TJP1: variants seen among roughly 807,000 people sequenced by gnomAD.
TJP1 encodes the protein tight junction protein 1, also known as tight junction protein ZO-1.
Under a neutral mutation model 194.2 loss-of-function variants are expected in TJP1, and 43 were observed. That is an observed-to-expected ratio of 0.22 (90% confidence interval 0.17 to 0.29). The LOEUF is 0.29. Among genes scored for constraint, TJP1 ranks in the 10% least tolerant of loss-of-function variants. The probability of loss-of-function intolerance (pLI) is 1.00; values close to 1 mark genes in which losing one functional copy is unlikely to be tolerated. For missense variants in TJP1, 1,971 were observed against 2,185.7 expected (o/e 0.90, Z 1.96); for synonymous variants, 801 against 779.0 (o/e 1.03, Z -0.47).
chr15:29,919,960 C>A (rs954621249), intron 2 of TJP1, among the ~76,000 whole-genome samples: 2 of 152,166 alleles, frequency 1.3e-5, no homozygotes, highest in Non-Finnish European at 2.9e-5. Flanking sequence ...AGAAAGGATG[C>A]AAGTGGTTGA....
chr15:29,779,509 G>A (rs1462811766), intron 2 of TJP1, among the ~76,000 whole-genome samples: 1 of 151,996 alleles, frequency 6.6e-6, no homozygotes, highest in Admixed American at 6.5e-5. Context: ...TTTTCTCTTT[G>A]CCAAAACAAG....
At chr15:29,912,435 C>A (rs1719032) in intron 2 of TJP1, among the ~76,000 whole-genome samples, 31,831 of 152,052 alleles carry the variant, frequency 0.21, 3,627 homozygotes, top group African/African-American at 0.3. Flanking sequence ...TGGGGCCGGG[C>A]GTGGTGGCTC....
intron 2 of TJP1, among the ~76,000 whole-genome samples, chr15:29,878,218 T>A (rs1218384055): frequency 6.6e-6 from 1 of 151,958 alleles, no homozygotes; most frequent in East Asian, 1.9e-4. Flanking sequence ...CTTGGCTATT[T>A]TTTTTGTATT....
intron 2 of TJP1, among the ~76,000 whole-genome samples, chr15:29,850,721 C>G (rs2152082961): frequency 6.6e-6 from 1 of 152,208 alleles, no homozygotes; most frequent in Middle Eastern, 3.4e-3. Flanking sequence ...GTGGCTCACA[C>G]CTGCAATCCC....
At chr15:29,708,504 A>G in intron 25 of TJP1, 55 bp downstream of exon 25, 1 of 1,400,922 alleles carries the variant, frequency 7.1e-7, no homozygotes, top group South Asian at 1.3e-5. Flanking sequence ...ACTACAACAA[A>G]CTCACATGAG....
rs1567225737 is a variant in TJP1, at chr15:29,949,640, TCCACCA to T, written c.306+6586_306+6591del. ...CACCACCACCTCCACCTCCACCACC[TCCACCA>T]CCACCACCTCCACCTCCACAACCAC... On this transcript the variant is annotated intron_variant, in intron 2 of 28. Transcript: ENST00000356107. 1.1e-4 allele frequency among the ~76,000 whole-genome samples: 4 copies of T among 36,716 alleles called. No homozygotes were observed. The South Asian group carries it at 3.1e-3, about 29-fold the overall frequency. The allele number at this position is 36,716 out of a possible 152,430, so 24.1% of individuals were successfully genotyped here. A position where few individuals can be genotyped will look rare whatever the true frequency, so the allele number is the denominator to read the frequency against.
intron 2 of TJP1, among the ~76,000 whole-genome samples, chr15:29,949,465 C>CTCCACA (rs2055481128): frequency 2.4e-5 from 3 of 125,146 alleles, no homozygotes; most frequent in Admixed American, 8.2e-5. Context: ...CCACTTCCAC[C>CTCCACA]ACCACCACCT....
At chr15:29,950,553 C>T (rs12440327) in intron 2 of TJP1, among the ~76,000 whole-genome samples, 54,286 of 151,952 alleles carry the variant, frequency 0.36, 10,940 homozygotes, top group East Asian at 0.78. Flanking sequence ...GAGGAGCCCA[C>T]GATGCTCCCT....
At chr15:29,713,720 A>G (rs973077819) in intron 23 of TJP1, among the ~76,000 whole-genome samples, 1 of 152,230 alleles carries the variant, frequency 6.6e-6, no homozygotes, top group African/African-American at 2.4e-5. Flanking sequence ...TTACAGAAAC[A>G]ACTACCCTCT....
intron 1 of TJP1, among the ~76,000 whole-genome samples, chr15:29,807,903 C>T (rs1311214406): frequency 1.3e-5 from 2 of 152,002 alleles, no homozygotes; most frequent in Non-Finnish European, 2.9e-5. Flanking sequence ...TTTATATATC[C>T]TACAATGAAC....
intron 1 of TJP1, among the ~76,000 whole-genome samples, chr15:29,815,163 A>G (rs1472355058): frequency 2.6e-5 from 4 of 152,218 alleles, no homozygotes; most frequent in African/African-American, 9.6e-5. Context: ...TAGCCCATAA[A>G]GGAGCAACCT....
intron 2 of TJP1, among the ~76,000 whole-genome samples, chr15:29,849,307 T>C (rs1298733929): frequency 6.6e-6 from 1 of 152,158 alleles, no homozygotes; most frequent in East Asian, 1.9e-4. Context: ...ACATGTATGG[T>C]ATGCTGGTTT....
chr15:29,772,542 T>C (rs45562140), intron 3 of TJP1, among the ~76,000 whole-genome samples: 2,481 of 152,294 alleles, frequency 0.016, 38 homozygotes, highest in Non-Finnish European at 0.025. Context: ...CTCTTTTAAT[T>C]CTTCTAATTA....
At chr15:29,803,452 G>A (rs2151903164) in intron 1 of TJP1, among the ~76,000 whole-genome samples, 1 of 152,198 alleles carries the variant, frequency 6.6e-6, no homozygotes, top group East Asian at 1.9e-4. Context: ...TTCTGAGCAT[G>A]GTTAAGGTAG....
intron 2 of TJP1, among the ~76,000 whole-genome samples, chr15:29,883,066 G>A (rs1233429860): frequency 6.6e-6 from 1 of 152,144 alleles, no homozygotes; most frequent in South Asian, 2.1e-4. Context: ...TGCACTTCAG[G>A]ACAATTGTTT....
intron 2 of TJP1, among the ~76,000 whole-genome samples, chr15:29,879,199 A>G (rs974573769): frequency 2.0e-5 from 3 of 152,216 alleles, no homozygotes; most frequent in African/African-American, 7.2e-5. Context: ...ATCCCCTGAC[A>G]TTCATGTGCA....
At chr15:29,722,767 G>A (rs1274873476) in intron 18 of TJP1, among the ~76,000 whole-genome samples, 1 of 152,216 alleles carries the variant, frequency 6.6e-6, no homozygotes, top group African/African-American at 2.4e-5. Flanking sequence ...CATGAAAGGA[G>A]CTGCAGGGGC....
In TJP1 at chr15:29,822,057, T is replaced by C; in HGVS notation, c.-29A>G. The C allele has an allele frequency of 7.8e-7, 1 of 1,283,786 alleles. No homozygotes were observed. The allele number at this position is 1,283,786 out of a possible 1,614,324, so 79.5% of individuals were successfully genotyped here. On this transcript the variant is annotated 5_prime_UTR_variant, in exon 1 of 28. Coordinates refer to ENST00000614355, the MANE Select transcript of TJP1 (RefSeq NM_001330239.4). ...GTCTCTCTCCAGCGCCGCGCGAGGC[T>C]CCTCGGACCCGAAACTCCGCGGCGC...
chr15:29,758,074 AG>A (rs1701144679), intron 8 of TJP1, among the ~76,000 whole-genome samples: 1 of 152,230 alleles, frequency 6.6e-6, no homozygotes, highest in Non-Finnish European at 1.5e-5. Context: ...TCTTTTCTTT[AG>A]CTTACTTTAA....
Sources: allele counts gnomAD v4.1 joint callset (sites outside exome capture counted in the v4.1 genomes callset), GRCh38; gene constraint gnomAD v4.1.1; transcripts MANE v1.5; gene names NCBI Gene and HGNC (gene_info 2026-07-23, HGNC 2026-07-21).